The following SLC1A1 variants were observed in gnomAD, a reference collection of about 807,000 sequenced individuals.
SLC1A1 encodes solute carrier family 1 member 1.
SLC1A1 carries 43 observed loss-of-function variants against 53.3 expected under a neutral mutation model. The observed-to-expected ratio is 0.81, with a 90% CI of 0.63 to 1.04. The LOEUF (loss-of-function observed/expected upper bound fraction) is 1.04. SLC1A1 is among the 50% of genes least tolerant of loss of function. The pLI is 0.00. For synonymous variants in SLC1A1, 307 were observed against 243.2 expected (o/e 1.26, Z -2.44); for missense variants, 748 against 664.9 (o/e 1.12, Z -1.37).
In SLC1A1 at chr9:4,542,083, G is replaced by T. The variant is rs372756601; in HGVS notation, c.92-2484G>T. 6.0e-5 allele frequency among the ~76,000 whole-genome samples: 9 copies of T among 149,768 alleles called. No individual in the cohort carries two copies. The East Asian group carries it at 1.5e-3, about 26-fold the overall frequency. On this transcript the variant is annotated intron_variant, in intron 1 of 11. Transcript: ENST00000262352. ...TTCACTAGCCATTTCTTGTATTTGA[G>T]GGTCTCAGTGTGACATCCCAACTTC...
At chr9:4,568,111 CT>C in intron 6 of SLC1A1, among the ~76,000 whole-genome samples, 1 of 152,144 alleles carries the variant, frequency 6.6e-6, no homozygotes, top group East Asian at 1.9e-4. Context: ...ATTTTTCTTG[CT>C]GATTTCGCTG....
chr9:4,490,749 A>G lies in SLC1A1; in HGVS notation c.70A>G (p.Thr24Ala), dbSNP rs1386651179. ...FLKNNWVLLS[T>A]VAAVVLGITT... ...GAAGAATAACTGGGTGTTGCTGTCC[A>G]CCGTGGCCGCGGTGGTGCTAGGTGA... The change falls in exon 1 of 12, where the codon ACC (threonine) becomes GCC (alanine). Residue 24 changes from threonine (T) to alanine (A), a missense_variant. Coordinates refer to ENST00000262352, the MANE Select transcript of SLC1A1 (RefSeq NM_004170.6). 5.6e-6 allele frequency: 9 copies of G among 1,612,496 alleles called. No individual in the cohort carries two copies. Among genetic ancestry groups the G allele is most frequent in the Non-Finnish European group, 5.9e-6 (7 of 1,178,936 alleles).
In SLC1A1 at chr9:4,560,336, C is replaced by T. The variant is rs151294098; in HGVS notation, c.233-1113C>T. On this transcript the variant is annotated intron_variant, in intron 2 of 11. Transcript: ENST00000262352. Reference sequence around the variant, plus strand: ...CATTAAATACATTCTGGTACAGCCACATGACAGATTACTGAGCCATTAAAA... The same window carrying T: ...CATTAAATACATTCTGGTACAGCCATATGACAGATTACTGAGCCATTAAAA... Among the ~76,000 whole-genome samples, 843 of 152,242 alleles carry T rather than the reference C, an allele frequency of 5.5e-3. 12 individuals are homozygous for T. The highest frequency in any genetic ancestry group is 0.019 in the African/African-American group (790 of 41,548).
chr9:4,568,695 CAAAAAAA>C (rs57351478), intron 6 of SLC1A1, among the ~76,000 whole-genome samples: 2 of 102,784 alleles, frequency 1.9e-5, no homozygotes, highest in East Asian at 3.1e-4. Flanking sequence ...ACTCTTGTTT[CAAAAAAA>C]AAAAAAAAAA....
intron 1 of SLC1A1, among the ~76,000 whole-genome samples, chr9:4,532,821 G>C (rs1051841457): frequency 6.6e-6 from 1 of 152,040 alleles, no homozygotes; most frequent in African/African-American, 2.4e-5. Flanking sequence ...GAGAAAGGTC[G>C]GGTTACCCAC....
At chr9:4,530,288 T>C (rs772671035) in intron 1 of SLC1A1, among the ~76,000 whole-genome samples, 1 of 152,112 alleles carries the variant, frequency 6.6e-6, no homozygotes, top group Non-Finnish European at 1.5e-5. Context: ...GATAACTGAA[T>C]TGTCAAAACC....
chr9:4,516,128 G>T (rs1821153690), intron 1 of SLC1A1, among the ~76,000 whole-genome samples: 1 of 152,174 alleles, frequency 6.6e-6, no homozygotes, highest in Admixed American at 6.5e-5. Context: ...AAGAGGAAAT[G>T]ACCTATAATC....
chr9:4,527,180 G>A (rs1174433538), intron 1 of SLC1A1, among the ~76,000 whole-genome samples: 4 of 152,118 alleles, frequency 2.6e-5, no homozygotes, highest in Non-Finnish European at 5.9e-5. Flanking sequence ...CAACTACCAG[G>A]AAGTGAATCC....
At chr9:4,581,028 C>T (rs773552860) in intron 10 of SLC1A1, among the ~76,000 whole-genome samples, 27 of 152,160 alleles carry the variant, frequency 1.8e-4, no homozygotes, top group African/African-American at 5.3e-4. Flanking sequence ...AGATGCCTTA[C>T]GTGTATTAAC....
intron 1 of SLC1A1, among the ~76,000 whole-genome samples, chr9:4,531,235 G>A (rs1554678246): frequency 6.6e-6 from 1 of 152,238 alleles, no homozygotes; most frequent in Non-Finnish European, 1.5e-5. Context: ...AGTGCACCGT[G>A]CGTGAGCCGA....
chr9:4,519,279 G>C (rs192683043), intron 1 of SLC1A1, among the ~76,000 whole-genome samples: 9 of 152,272 alleles, frequency 5.9e-5, no homozygotes, highest in African/African-American at 2.2e-4. Flanking sequence ...TTCTAAAATA[G>C]CAATAATGCA....
Position 4,490,579 on chromosome 9 carries a change from G to A in SLC1A1, c.-101G>A, listed in dbSNP as rs993518828. Reference sequence around the variant, plus strand: ...AGCGGCCGGCTCTCACCTCTCCCCTGTGCACCCGCATCTCGCCGCGCCGCC... The same window carrying A: ...AGCGGCCGGCTCTCACCTCTCCCCTATGCACCCGCATCTCGCCGCGCCGCC... On this transcript the variant is annotated 5_prime_UTR_variant, in exon 1 of 12. In the 5' UTR this introduces an upstream ATG that the reference lacks. Coordinates refer to ENST00000262352, the MANE Select transcript of SLC1A1 (RefSeq NM_004170.6). The A allele has an allele frequency of 5.5e-6, 5 of 916,252 alleles. No homozygotes were observed. Among genetic ancestry groups the A allele is most frequent in the East Asian group, 2.7e-5 (1 of 37,026 alleles). 56.8% of individuals were successfully genotyped at this position (916,252 alleles called of 1,614,324 possible).
intron 6 of SLC1A1, among the ~76,000 whole-genome samples, chr9:4,569,346 A>C (rs1819807445): frequency 1.3e-5 from 2 of 152,258 alleles, no homozygotes; most frequent in South Asian, 4.1e-4. Flanking sequence ...CAATGTTTTT[A>C]TAACAAACTC....
chr9:4,585,331 G>C lies in SLC1A1; in HGVS notation c.1348G>C (p.Val450Leu), dbSNP rs564633657. 6.2e-7 allele frequency: 1 copy of C among 1,613,976 alleles called. No individual in the cohort carries two copies. The highest frequency in any genetic ancestry group is 2.2e-5 in the East Asian group (1 of 44,882). Residue 450 changes from valine to leucine, a missense_variant, in exon 12 of 12, where the codon GTC (valine) becomes CTC (leucine). Physicochemically the swap from Val to Leu is conservative, Grantham distance 32. Transcript: ENST00000262352. ...DWLLDRFRTM[V>L]NVLGDAFGTG... ...CCCCAGGGACCGGTTCAGGACCATG[G>C]TCAACGTCCTTGGTGATGCTTTTGG...
chr9:4,494,638 A>T (rs1820348927), intron 1 of SLC1A1, among the ~76,000 whole-genome samples: 1 of 150,868 alleles, frequency 6.6e-6, no homozygotes. Flanking sequence ...TCATTTAAAT[A>T]TAATATTTAA....
In SLC1A1 at chr9:4,511,886, G is replaced by C. The variant is rs185601051; in HGVS notation, c.91+21116G>C. On this transcript the variant is annotated intron_variant, in intron 1 of 11. Coordinates refer to ENST00000262352, the MANE Select transcript of SLC1A1 (RefSeq NM_004170.6). ...ATTTTAGCAGGGCTGCAAGATACAA[G>C]GTTAACACACAAAAATCACTTGTTA... Among the ~76,000 whole-genome samples the C allele has an allele frequency of 3.2e-3, 491 of 152,190 alleles. 5 individuals are homozygous for C. The highest frequency in any genetic ancestry group is 4.8e-3 in the Non-Finnish European group (327 of 68,010).
intron 1 of SLC1A1, among the ~76,000 whole-genome samples, chr9:4,508,659 AT>A (rs1820889726): frequency 6.6e-6 from 1 of 152,294 alleles, no homozygotes; most frequent in Middle Eastern, 3.4e-3. Context: ...GAGACAATAA[AT>A]TCATCCACAT....
intron 1 of SLC1A1, among the ~76,000 whole-genome samples, chr9:4,514,489 G>A (rs904193132): frequency 3.3e-5 from 5 of 152,182 alleles, no homozygotes; most frequent in African/African-American, 1.2e-4. Context: ...ATGTCACATG[G>A]ATCTTGGAGG....
intron 1 of SLC1A1, among the ~76,000 whole-genome samples, chr9:4,507,987 G>A (rs1190549696): frequency 1.3e-5 from 2 of 152,120 alleles, no homozygotes; most frequent in Non-Finnish European, 2.9e-5. Context: ...TTAAAGTGGA[G>A]GAAAAGGTGT....
Sources: allele counts gnomAD v4.1 joint callset (sites outside exome capture counted in the v4.1 genomes callset), GRCh38; gene constraint gnomAD v4.1.1; transcripts MANE v1.5; gene names NCBI Gene and HGNC (gene_info 2026-07-23, HGNC 2026-07-21).